RELN: variants seen among roughly 807,000 people sequenced by gnomAD.
The protein encoded by RELN is reelin.
RELN carries 108 observed loss-of-function variants against 427.6 expected under a neutral mutation model. The ratio of observed to expected loss-of-function variants is 0.25; its 90% confidence interval spans 0.22 to 0.30. The LOEUF (loss-of-function observed/expected upper bound fraction) is 0.30. Ranked by LOEUF, RELN falls within the 10% of genes least tolerant of loss-of-function variation. RELN has a pLI of 1.00. For missense variants in RELN, 3,715 were observed against 4,302.8 expected, an observed-to-expected ratio of 0.86 and a Z score of 3.82; for synonymous variants, 1,524 against 1,513.4, an observed-to-expected ratio of 1.01 and a Z score of -0.16.
intron 2 of RELN, among the ~76,000 whole-genome samples, chr7:103,902,034 T>C (rs1413484061): frequency 6.6e-6 from 1 of 152,020 alleles, no homozygotes; most frequent in African/African-American, 2.4e-5. Flanking sequence ...AACAGCACAG[T>C]GTGGGGAAAG....
chr7:103,973,820 GA>G (rs1254304132), intron 1 of RELN, among the ~76,000 whole-genome samples: 4 of 152,066 alleles, frequency 2.6e-5, no homozygotes, highest in African/African-American at 9.7e-5. Flanking sequence ...TTAATCACAG[GA>G]AAAAATAACA....
At chr7:103,869,158 T>G (rs1407319961) in intron 2 of RELN, among the ~76,000 whole-genome samples, 2 of 152,078 alleles carry the variant, frequency 1.3e-5, no homozygotes, top group Admixed American at 1.3e-4. Flanking sequence ...GAGTTTCAAG[T>G]TGTAAAGTAA....
rs527264321 is a variant in RELN at position 103,584,434 on chromosome 7, A to G, written c.4145+5162T>C. Among the ~76,000 whole-genome samples the G allele has an allele frequency of 4.8e-4, 73 of 152,334 alleles. 1 individual carries two copies. The highest frequency in any genetic ancestry group is 1.6e-3 in the African/African-American group (67 of 41,578). On this transcript the variant is annotated intron_variant, in intron 28 of 64. Transcript: ENST00000428762. ...TAACTACACTCATGTAAGATAAAAG[A>G]CTGTAATTCAACAAAAGTTTAAAAA...
intron 3 of RELN, among the ~76,000 whole-genome samples, chr7:103,790,854 C>T (rs1431473792): frequency 2.6e-5 from 4 of 151,854 alleles, no homozygotes; most frequent in African/African-American, 4.8e-5. Context: ...CCCAGATACT[C>T]GGGAGGCTGA....
intron 6 of RELN, among the ~76,000 whole-genome samples, chr7:103,735,280 T>G (rs1790463388): frequency 6.6e-6 from 1 of 152,208 alleles, no homozygotes; most frequent in African/African-American, 2.4e-5. Flanking sequence ...GGTGGCTGTT[T>G]TTTTTCATGG....
At chr7:103,941,698 A>G (rs1796118346) in intron 1 of RELN, among the ~76,000 whole-genome samples, 1 of 152,152 alleles carries the variant, frequency 6.6e-6, no homozygotes, top group Non-Finnish European at 1.5e-5. Context: ...GTCCAAACAC[A>G]TATATAAACT....
intron 12 of RELN, among the ~76,000 whole-genome samples, chr7:103,660,946 A>G (rs1280692441): frequency 6.6e-6 from 1 of 152,230 alleles, no homozygotes; most frequent in Non-Finnish European, 1.5e-5. Context: ...GTATTATTAA[A>G]GTATTAACCT....
rs113957733 is a variant in RELN at position 103,604,579 on chromosome 7, C to T, written c.3009-96G>A. 3.2e-5 allele frequency: 40 copies of T among 1,233,372 alleles called. 1 individual carries two copies. In the African/African-American group the frequency reaches 4.6e-4, roughly 14 times the overall value. The allele number at this position is 1,233,372 out of a possible 1,614,324, so 76.4% of individuals were successfully genotyped here. A position where few individuals can be genotyped will look rare whatever the true frequency, so the allele number is the denominator to read the frequency against. ...AGTCCAAAATCTTTCAGCTAACTAACTTTCTGGAACTTGAGCTTAGCTGGC... is the reference window on the plus strand; with the variant it reads ...AGTCCAAAATCTTTCAGCTAACTAATTTTCTGGAACTTGAGCTTAGCTGGC... On this transcript the variant is annotated intron_variant, in intron 22 of 64. Transcript: ENST00000428762.
At chr7:103,564,919 G>GA (rs5886260) in intron 34 of RELN, among the ~76,000 whole-genome samples, 6 of 151,948 alleles carry the variant, frequency 3.9e-5, no homozygotes, top group Admixed American at 2.0e-4. Flanking sequence ...GTACTGAGAT[G>GA]AAAAAAAACT....
At chr7:103,572,348 T>C in intron 30 of RELN, 88 bp from the exon 31 acceptor site, 2 of 755,908 alleles carry the variant, frequency 2.6e-6, no homozygotes, top group East Asian at 5.1e-5. Context: ...AAAAAAACCC[T>C]CCTGTATTTA....
intron 1 of RELN, among the ~76,000 whole-genome samples, chr7:103,937,615 A>G (rs1355380153): frequency 6.6e-6 from 1 of 152,240 alleles, no homozygotes; most frequent in Non-Finnish European, 1.5e-5. Flanking sequence ...AGCTAACATC[A>G]AAATGTAAAG....
intron 3 of RELN, among the ~76,000 whole-genome samples, chr7:103,788,496 G>A (rs1014166611): frequency 6.6e-6 from 1 of 152,176 alleles, no homozygotes; most frequent in African/African-American, 2.4e-5. Context: ...CAAAGTCTCA[G>A]GATACAAAGT....
chr7:103,490,791 G>A lies in RELN; in HGVS notation c.9482C>T (p.Pro3161Leu). ...SWQLVQTQCL[P>L]SSSNSIGCSP... ...GCAGCCAATGCTGTTAGAAGAGGAA[G>A]GAAGGCACTGGGTCTGTACGAGCTG... Residue 3161 changes from proline (P) to leucine (L), a missense_variant, in exon 59 of 65, where the codon CCT (proline) becomes CTT (leucine). This residue lies in a region of RELN where 1,310 missense variants were observed against 1,643.0 expected (regional missense o/e 0.80). Coordinates refer to ENST00000428762, the MANE Select transcript of RELN (RefSeq NM_005045.4). 1 of 1,614,196 alleles carries A rather than the reference G, an allele frequency of 6.2e-7. No individual in the cohort carries two copies. The highest frequency in any genetic ancestry group is 1.1e-5 in the South Asian group (1 of 91,078).
intron 1 of RELN, among the ~76,000 whole-genome samples, chr7:103,960,163 G>A (rs548220410): frequency 1.4e-4 from 21 of 152,188 alleles, no homozygotes; most frequent in African/African-American, 5.1e-4. Context: ...TCCCTTTCAC[G>A]CAAATCCTTT....
intron 16 of RELN, among the ~76,000 whole-genome samples, chr7:103,642,805 G>C (rs1832720760): frequency 6.6e-6 from 1 of 151,956 alleles, no homozygotes; most frequent in South Asian, 2.1e-4. Context: ...TAAAAAGTGT[G>C]ACAGCAAGAA....
chr7:103,921,912 T>C (rs1301015671), intron 1 of RELN, among the ~76,000 whole-genome samples: 2 of 152,164 alleles, frequency 1.3e-5, no homozygotes, highest in African/African-American at 4.8e-5. Context: ...AAATGTCATC[T>C]CTCTCATGCA....
At chr7:103,866,305 T>C (rs1284809745) in intron 2 of RELN, among the ~76,000 whole-genome samples, 3 of 152,050 alleles carry the variant, frequency 2.0e-5, no homozygotes, top group African/African-American at 7.2e-5. Flanking sequence ...CAGGTTAAAG[T>C]TGAGAAAAAC....
At chr7:103,928,939 GTA>G (rs1358428319) in intron 1 of RELN, among the ~76,000 whole-genome samples, 13 of 152,144 alleles carry the variant, frequency 8.5e-5, no homozygotes, top group African/African-American at 2.9e-4. Context: ...AATTTGGCAG[GTA>G]TATGTTTAAA....
intron 16 of RELN, among the ~76,000 whole-genome samples, chr7:103,645,502 A>T (rs1253585134): frequency 6.6e-6 from 1 of 151,896 alleles, no homozygotes; most frequent in Non-Finnish European, 1.5e-5. Flanking sequence ...GATAAAACAG[A>T]CTTTAAATCA....
Sources: allele counts gnomAD v4.1 joint callset (sites outside exome capture counted in the v4.1 genomes callset), GRCh38; gene constraint gnomAD v4.1.1; regional missense constraint gnomAD v4.1.1; transcripts MANE v1.5; gene names NCBI Gene and HGNC (gene_info 2026-07-23, HGNC 2026-07-21).